ATG5: variants seen among roughly 807,000 people sequenced by gnomAD.
ATG5 encodes autophagy related 5.
Under a neutral mutation model 36.5 loss-of-function variants are expected in ATG5, and 14 were observed. That is an observed-to-expected ratio of 0.38 (90% confidence interval 0.25 to 0.60). ATG5 has a LOEUF of 0.60. Ranked by LOEUF, ATG5 falls within the 20% of genes least tolerant of loss-of-function variation. The probability of loss-of-function intolerance (pLI) is 0.60; values close to 1 mark genes in which losing one functional copy is unlikely to be tolerated. For synonymous variants in ATG5, 95 were observed against 101.5 expected (o/e 0.94, Z 0.38); for missense variants, 195 against 326.7 (o/e 0.60, Z 3.11).
intron 5 of ATG5, among the ~76,000 whole-genome samples, chr6:106,251,394 G>A (rs1367781112): frequency 6.6e-6 from 1 of 151,512 alleles, no homozygotes; most frequent in Non-Finnish European, 1.5e-5. Flanking sequence ...CAGCCCTAAG[G>A]TAAAATATAT....
At chr6:106,291,959 A>G (rs1780323574) in intron 4 of ATG5, among the ~76,000 whole-genome samples, 1 of 152,266 alleles carries the variant, frequency 6.6e-6, no homozygotes, top group South Asian at 2.1e-4. Context: ...TCAGTAAAAC[A>G]GGAAGGAAAA....
chr6:106,185,672 T>C lies in ATG5; in HGVS notation c.*868A>G, dbSNP rs1562197863. ...TTTACAGATGCTTAGGATACTATGA[T>C]TTGACAGGCTTACAGTGATAAAACA... On this transcript the variant is annotated 3_prime_UTR_variant, in exon 8 of 8. Transcript: ENST00000369076. 1 of 152,342 alleles carries C rather than the reference T, an allele frequency of 6.6e-6. No homozygotes were observed. The highest frequency in any genetic ancestry group is 2.4e-5 in the African/African-American group (1 of 41,444). 9.4% of individuals were successfully genotyped at this position (152,342 alleles called of 1,614,324 possible). A position where few individuals can be genotyped will look rare whatever the true frequency, so the allele number is the denominator to read the frequency against.
At chr6:106,268,877 C>T (rs528131967) in intron 5 of ATG5, among the ~76,000 whole-genome samples, 1 of 150,628 alleles carries the variant, frequency 6.6e-6, no homozygotes, top group African/African-American at 2.4e-5. Flanking sequence ...GGGGGCCTGT[C>T]GGTGGGTTGG....
intron 1 of ATG5, among the ~76,000 whole-genome samples, chr6:106,321,362 C>CCT (rs1562274765): frequency 3.6e-5 from 5 of 140,398 alleles, no homozygotes; most frequent in Admixed American, 7.1e-5. Flanking sequence ...TGGGTCAACT[C>CCT]TTTTTTTTTT....
At chr6:106,323,260 CTTTTTTTTTTTT>C (rs71274321) in intron 1 of ATG5, among the ~76,000 whole-genome samples, 3 of 64,230 alleles carry the variant, frequency 4.7e-5, no homozygotes, top group Admixed American at 2.2e-4. Flanking sequence ...TGGAAAAGTC[CTTTTTTTTTTTT>C]TTTTTTTTTT....
At chr6:106,247,465 A>G (rs2114511788) in intron 6 of ATG5, among the ~76,000 whole-genome samples, 1 of 152,286 alleles carries the variant, frequency 6.6e-6, no homozygotes, top group South Asian at 2.1e-4. Context: ...AACACTGAAG[A>G]CTCACCATCC....
intron 6 of ATG5, among the ~76,000 whole-genome samples, chr6:106,227,012 A>T (rs992581302): frequency 3.3e-5 from 5 of 152,176 alleles, no homozygotes; most frequent in Non-Finnish European, 5.9e-5. Context: ...GCCCAGAAGA[A>T]GATGCAGAAA....
chr6:106,233,926 G>A (rs916322787), intron 6 of ATG5, among the ~76,000 whole-genome samples: 1 of 152,034 alleles, frequency 6.6e-6, no homozygotes, highest in Non-Finnish European at 1.5e-5. Flanking sequence ...CATCAAATAG[G>A]AGTTTACCTA....
At chr6:106,253,085 T>C (rs776760252) in intron 5 of ATG5, among the ~76,000 whole-genome samples, 2 of 152,256 alleles carry the variant, frequency 1.3e-5, no homozygotes, top group Non-Finnish European at 2.9e-5. Flanking sequence ...TAGACCCATA[T>C]GAATTAATTT....
chr6:106,292,999 G>A, intron 4 of ATG5, 29 bp downstream of exon 4: 1 of 1,563,352 alleles, frequency 6.4e-7, no homozygotes, highest in Non-Finnish European at 8.8e-7. Context: ...ATCACAAATG[G>A]GACGAAGGAG....
rs564740871 is a variant in ATG5 at position 106,193,669 on chromosome 6, A to G, written c.692-6993T>C. Among the ~76,000 whole-genome samples the G allele has an allele frequency of 1.4e-4, 22 of 152,322 alleles. No individual in the cohort carries two copies. In the South Asian group the frequency reaches 4.1e-3, roughly 29 times the overall value. ...AATACATAAATAAACTTTGAAAACA[A>G]TATTATTTTATCTGCTTTCATAAAA... On this transcript the variant is annotated intron_variant, in intron 7 of 7. Coordinates refer to ENST00000369076, the MANE Select transcript of ATG5 (RefSeq NM_004849.4).
intron 1 of ATG5, among the ~76,000 whole-genome samples, chr6:106,318,441 C>G (rs1424853335): frequency 6.6e-6 from 1 of 152,116 alleles, no homozygotes; most frequent in Non-Finnish European, 1.5e-5. Context: ...AAAAGAGATA[C>G]AAATATAGAC....
chr6:106,270,264 A>G (rs1434664080), intron 5 of ATG5, among the ~76,000 whole-genome samples: 3 of 152,198 alleles, frequency 2.0e-5, no homozygotes, highest in Non-Finnish European at 4.4e-5. Flanking sequence ...TATAATATAT[A>G]TAGTAAAATG....
chr6:106,186,729 AAAT>A (rs1382127488), intron 7 of ATG5, 53 bp from the exon 8 acceptor site: 7 of 1,587,152 alleles, frequency 4.4e-6, no homozygotes, highest in Non-Finnish European at 6.0e-6. Flanking sequence ...GTTGAAGAAA[AAAT>A]AATCTGGTGC....
At chr6:106,243,355 T>C (rs960556610) in intron 6 of ATG5, among the ~76,000 whole-genome samples, 1 of 152,108 alleles carries the variant, frequency 6.6e-6, no homozygotes, top group Admixed American at 6.6e-5. Context: ...AACAACTTCT[T>C]CCAAAGACAA....
chr6:106,239,144 T>C (rs901660865), intron 6 of ATG5, among the ~76,000 whole-genome samples: 2 of 150,546 alleles, frequency 1.3e-5, no homozygotes, highest in African/African-American at 2.4e-5. Flanking sequence ...AATACTATAA[T>C]AGCAATGCAA....
chr6:106,321,891 G>A (rs548021814), intron 1 of ATG5, among the ~76,000 whole-genome samples: 2 of 152,180 alleles, frequency 1.3e-5, no homozygotes, highest in East Asian at 3.9e-4. Context: ...CACATAGTAG[G>A]CTTTGAAATT....
intron 4 of ATG5, among the ~76,000 whole-genome samples, chr6:106,286,695 A>G (rs1780091641): frequency 1.3e-5 from 2 of 152,304 alleles, no homozygotes; most frequent in Middle Eastern, 3.4e-3. Context: ...CTACCAGACT[A>G]CCTCTAGACT....
At chr6:106,304,491 C>T (rs1770354803) in intron 3 of ATG5, among the ~76,000 whole-genome samples, 1 of 152,066 alleles carries the variant, frequency 6.6e-6, no homozygotes, top group Non-Finnish European at 1.5e-5. Context: ...TACTCAGCAA[C>T]TCAGCAACAA....
Sources: allele counts gnomAD v4.1 joint callset (sites outside exome capture counted in the v4.1 genomes callset), GRCh38; gene constraint gnomAD v4.1.1; transcripts MANE v1.5; gene names NCBI Gene and HGNC (gene_info 2026-07-23, HGNC 2026-07-21).